TULP4: variants seen among roughly 807,000 people sequenced by gnomAD.
TULP4 encodes TUB like protein 4.
In TULP4, 16 loss-of-function variants were observed where a neutral mutation model predicts 129.0. That is an observed-to-expected ratio of 0.12 (90% CI 0.08 to 0.19). The LOEUF is 0.19. Ranked by LOEUF, TULP4 falls within the 10% of genes least tolerant of loss-of-function variation. The pLI, the probability that TULP4 is intolerant of heterozygous loss-of-function variation, is 1.00. For synonymous variants in TULP4, 998 were observed against 854.0 expected (o/e 1.17, Z -2.94); for missense variants, 1,842 against 2,059.1 (o/e 0.89, Z 2.04).
At chr6:158,446,696 A>G (rs1779050240) in intron 3 of TULP4, among the ~76,000 whole-genome samples, 1 of 152,170 alleles carries the variant, frequency 6.6e-6, no homozygotes, top group Non-Finnish European at 1.5e-5. Context: ...ACAGACATTG[A>G]GTTCTCACAA....
intron 1 of TULP4, among the ~76,000 whole-genome samples, chr6:158,250,825 A>G (rs912237306): frequency 2.0e-5 from 3 of 152,238 alleles, no homozygotes; most frequent in Non-Finnish European, 4.4e-5. Flanking sequence ...ACTCTGATGT[A>G]TACAAGACAG....
At chr6:158,405,450 A>AC (rs747635631) in intron 1 of TULP4, among the ~76,000 whole-genome samples, 1 of 152,202 alleles carries the variant, frequency 6.6e-6, no homozygotes. Context: ...TGGTGATCAA[A>AC]CAGGTGTTGA....
intron 1 of TULP4, among the ~76,000 whole-genome samples, chr6:158,317,956 C>T (rs1390626842): frequency 6.6e-6 from 1 of 152,188 alleles, no homozygotes; most frequent in Non-Finnish European, 1.5e-5. Context: ...TAAATGTCCC[C>T]TTTTGAGAAG....
Position 158,314,193 on chromosome 6 carries a change from C to G in TULP4, c.177C>G (p.Phe59Leu). The stretch of plus-strand genomic sequence containing the variant: ...GGCGAGGAGTGGTTGGGGTGACTTT[C>G]ACCTCTAGTCACTGTCGCAGGGACA... ...GNGRGVVGVT[F>L]TSSHCRRDRS... Residue 59 changes from phenylalanine to leucine, a missense_variant, in exon 1 of 14, where the codon TTC (phenylalanine) becomes TTG (leucine). By Grantham distance (22) the Phe-to-Leu change is conservative (BLOSUM62 0). Transcript: ENST00000367097. 1 of 1,614,112 alleles carries G rather than the reference C, an allele frequency of 6.2e-7. No individual in the cohort carries two copies. Among genetic ancestry groups the G allele is most frequent in the Non-Finnish European group, 8.5e-7 (1 of 1,180,026 alleles).
intron 1 of TULP4, among the ~76,000 whole-genome samples, chr6:158,389,150 C>T (rs758023243): frequency 3.3e-5 from 5 of 152,114 alleles, no homozygotes; most frequent in Non-Finnish European, 7.4e-5. Flanking sequence ...TTAATTTTAT[C>T]ACAAAATTTA....
At chr6:158,279,375 C>T (rs1036221301), upstream of TULP4, among the ~76,000 whole-genome samples, 2 of 152,140 alleles carry the variant, frequency 1.3e-5, no homozygotes, top group Non-Finnish European at 2.9e-5. Context: ...TGCTTTAGTA[C>T]GTCTTTATGA....
rs142539994 is a variant in TULP4 at position 158,452,140 on chromosome 6, C to T, written c.731C>T (p.Pro244Leu). 3.1e-5 allele frequency: 50 copies of T among 1,613,910 alleles called. No individual in the cohort carries two copies. The highest frequency in any genetic ancestry group is 1.6e-4 in the Middle Eastern group (1 of 6,062). Residue 244 changes from proline to leucine, a missense_variant, in exon 5 of 14, where the codon CCG (proline) becomes CTG (leucine). This residue lies in a region of TULP4 where 456 missense variants were observed against 534.3 expected (regional missense o/e 0.85). Coordinates refer to ENST00000367097, the MANE Select transcript of TULP4 (RefSeq NM_020245.5). ...SDDYAPPQDGPAAYPIPVQNI... is the reference protein window; with the variant it reads ...SDDYAPPQDGLAAYPIPVQNI... ...GGCACTTGTGTTCCTGCAGATGGTC[C>T]GGCAGCATATCCCATCCCAGTGCAG... is the stretch of plus-strand genomic sequence containing the variant.
At chr6:158,242,455 G>A in intron 1 of TULP4, 1 of 972,940 alleles carries the variant, frequency 1.0e-6, no homozygotes, top group Non-Finnish European at 1.7e-6. Context: ...TCATCATAGT[G>A]TTCCAAACGG....
intron 1 of TULP4, among the ~76,000 whole-genome samples, chr6:158,283,506 AGT>A (rs1778792054): frequency 6.6e-6 from 1 of 152,090 alleles, no homozygotes; most frequent in Non-Finnish European, 1.5e-5. Flanking sequence ...CATTCATCTT[AGT>A]TCCTTGTACT....
At chr6:158,480,283 C>T (rs912038347) in intron 7 of TULP4, among the ~76,000 whole-genome samples, 1 of 152,226 alleles carries the variant, frequency 6.6e-6, no homozygotes, top group East Asian at 1.9e-4. Context: ...AGCATTGCAC[C>T]AGTTAATTTT....
At chr6:158,304,654 A>G (rs552271306) in intron 1 of TULP4, among the ~76,000 whole-genome samples, 61 of 132,176 alleles carry the variant, frequency 4.6e-4, no homozygotes, top group Non-Finnish European at 8.8e-4. Flanking sequence ...TATACCATTA[A>G]ATTTACCAAT....
chr6:158,474,438 C>T (rs1367232124), intron 6 of TULP4, among the ~76,000 whole-genome samples: 1 of 152,146 alleles, frequency 6.6e-6, no homozygotes, highest in African/African-American at 2.4e-5. Context: ...TCAGAAGACT[C>T]TATCCAACTC....
intron 1 of TULP4, among the ~76,000 whole-genome samples, chr6:158,406,000 G>A (rs1777970166): frequency 6.6e-6 from 1 of 152,148 alleles, no homozygotes; most frequent in Non-Finnish European, 1.5e-5. Flanking sequence ...AGCAAAGAAT[G>A]AAGTGGCTCC....
chr6:158,475,492 G>C (rs1369604926), intron 6 of TULP4, among the ~76,000 whole-genome samples: 1 of 152,260 alleles, frequency 6.6e-6, no homozygotes, highest in African/African-American at 2.4e-5. Context: ...ATTTGAGAAA[G>C]AGATTAAGAC....
intron 6 of TULP4, 26 bp from the exon 7 acceptor site, chr6:158,479,725 A>G (rs775987206): frequency 5.4e-5 from 87 of 1,604,694 alleles, no homozygotes; most frequent in Non-Finnish European, 7.2e-5. Flanking sequence ...AAGCTTAAGC[A>G]TTGTCTTCCC....
chr6:158,419,614 A>G (rs1778292786), intron 2 of TULP4, among the ~76,000 whole-genome samples: 1 of 152,214 alleles, frequency 6.6e-6, no homozygotes, highest in South Asian at 2.1e-4. Context: ...AAGGACATAA[A>G]CACATTTAAA....
At chr6:158,425,513 C>CA (rs35469800) in intron 2 of TULP4, among the ~76,000 whole-genome samples, 1,069 of 61,264 alleles carry the variant, frequency 0.017, 27 homozygotes, top group African/African-American at 0.067. Context: ...AACTCCGTCT[C>CA]AAAAAAAAAA....
intron 1 of TULP4, among the ~76,000 whole-genome samples, chr6:158,267,380 A>G (rs1004033733): frequency 3.9e-5 from 6 of 152,346 alleles, no homozygotes; most frequent in Middle Eastern, 3.4e-3. Context: ...CAACATGTCA[A>G]ACACAGAAGA....
rs143255965 is a variant in TULP4, at chr6:158,435,111, A to G, written c.543+5214A>G. ...AGAGCTCCTGCAGTGAGGCACATAC[A>G]TAATATGGGTGCATGAACCATTTTT... On this transcript the variant is annotated intron_variant, in intron 3 of 13. Transcript: ENST00000367097. 6.4e-3 allele frequency among the ~76,000 whole-genome samples: 970 copies of G among 152,348 alleles called. 6 individuals carry two copies. Among genetic ancestry groups the G allele is most frequent in the Non-Finnish European group, 0.01 (705 of 68,024 alleles).
Sources: allele counts gnomAD v4.1 joint callset (sites outside exome capture counted in the v4.1 genomes callset), GRCh38; gene constraint gnomAD v4.1.1; regional missense constraint gnomAD v4.1.1; transcripts MANE v1.5; gene names NCBI Gene and HGNC (gene_info 2026-07-23, HGNC 2026-07-21).